The following ROBO1 variants were observed in gnomAD, a reference collection of about 807,000 sequenced individuals.
The protein encoded by ROBO1 is roundabout homolog 1.
ROBO1 carries 149 observed loss-of-function variants against 195.9 expected under a neutral mutation model. That is an observed-to-expected ratio of 0.76 (90% CI 0.67 to 0.87). The LOEUF is 0.87. ROBO1 is among the 40% of genes least tolerant of loss of function. The probability of loss-of-function intolerance (pLI) is 0.00; values close to 1 mark genes in which losing one functional copy is unlikely to be tolerated. For missense variants in ROBO1, 1,933 were observed against 2,068.3 expected (o/e 0.93, Z 1.27); for synonymous variants, 816 against 733.2 (o/e 1.11, Z -1.82).
intron 2 of ROBO1, among the ~76,000 whole-genome samples, chr3:79,532,809 CCAAA>C (rs1941712737): frequency 1.3e-5 from 2 of 152,082 alleles, no homozygotes; most frequent in Non-Finnish European, 1.5e-5. Flanking sequence ...GAGCTGGCTT[CCAAA>C]CAGAGAGGCC....
At chr3:78,941,297 T>A (rs555577377) in intron 3 of ROBO1, among the ~76,000 whole-genome samples, 48 of 152,204 alleles carry the variant, frequency 3.2e-4, no homozygotes, top group African/African-American at 9.4e-4. Flanking sequence ...AAGAAAAAAA[T>A]TACTTGGAAA....
chr3:78,667,012 T>C (rs1438061415), intron 14 of ROBO1, among the ~76,000 whole-genome samples: 1 of 152,160 alleles, frequency 6.6e-6, no homozygotes, highest in Non-Finnish European at 1.5e-5. Context: ...AACAAGCACA[T>C]TTTATTTACA....
intron 2 of ROBO1, among the ~76,000 whole-genome samples, chr3:79,386,974 G>T (rs1294752469): frequency 6.6e-6 from 1 of 152,136 alleles, no homozygotes; most frequent in East Asian, 1.9e-4. Flanking sequence ...CCAGGGATAT[G>T]TCAGAATGGT....
chr3:79,703,725 G>A (rs1277187350), intron 1 of ROBO1, among the ~76,000 whole-genome samples: 2 of 151,842 alleles, frequency 1.3e-5, no homozygotes. Flanking sequence ...CCAATGCTTA[G>A]AGAAACAAAA....
chr3:79,679,002 C>G (rs138393358), intron 1 of ROBO1, among the ~76,000 whole-genome samples: 3 of 151,752 alleles, frequency 2.0e-5, no homozygotes, highest in Non-Finnish European at 2.9e-5. Flanking sequence ...TTTAATTACG[C>G]AAATAATGTG....
intron 2 of ROBO1, among the ~76,000 whole-genome samples, chr3:79,509,152 G>A (rs1940563879): frequency 6.6e-6 from 1 of 151,858 alleles, no homozygotes; most frequent in African/African-American, 2.4e-5. Flanking sequence ...CATGGATTCA[G>A]ATCTATTATG....
chr3:78,696,711 T>TAC (rs1478869762), intron 8 of ROBO1, among the ~76,000 whole-genome samples: 3 of 147,464 alleles, frequency 2.0e-5, no homozygotes, highest in African/African-American at 7.4e-5. Context: ...CACATATATA[T>TAC]ACACGTATAT....
intron 3 of ROBO1, among the ~76,000 whole-genome samples, chr3:79,058,033 T>C (rs1469680971): frequency 6.6e-6 from 1 of 151,932 alleles, no homozygotes; most frequent in Non-Finnish European, 1.5e-5. Context: ...ACCGGGACAT[T>C]TGGTCTCCAG....
chr3:79,015,340 T>C (rs1014874689), intron 3 of ROBO1, among the ~76,000 whole-genome samples: 1 of 151,814 alleles, frequency 6.6e-6, no homozygotes, highest in African/African-American at 2.4e-5. Flanking sequence ...GTGAAACTTA[T>C]TTAAAAAAGT....
intron 3 of ROBO1, among the ~76,000 whole-genome samples, chr3:79,082,467 T>C (rs2079291421): frequency 6.6e-6 from 1 of 152,156 alleles, no homozygotes; most frequent in African/African-American, 2.4e-5. Context: ...GCATTATAAG[T>C]TCAATATATG....
At chr3:79,661,305 C>T (rs1466381951) in intron 1 of ROBO1, among the ~76,000 whole-genome samples, 2 of 152,082 alleles carry the variant, frequency 1.3e-5, no homozygotes, top group Non-Finnish European at 2.9e-5. Context: ...CTCATTTCCC[C>T]AGGTGTTCAA....
intron 3 of ROBO1, among the ~76,000 whole-genome samples, chr3:79,023,858 C>T (rs148717711): frequency 8.3e-4 from 126 of 151,524 alleles, no homozygotes; most frequent in African/African-American, 2.9e-3. Context: ...TGCTGGCCAC[C>T]ACACCCGGCT....
rs1158213253 is a variant in ROBO1, at chr3:79,484,755, CT to C, written c.88+105068del. On this transcript the variant is annotated intron_variant, in intron 2 of 30. Coordinates refer to ENST00000464233, the MANE Select transcript of ROBO1 (RefSeq NM_002941.4). ...TTATACACCACTATCATTGCACTAT[CT>C]TTTTTTTTTTTTTTTTGAGACAGAG... Among the ~76,000 whole-genome samples, 611 of 66,876 alleles carry C rather than the reference CT, an allele frequency of 9.1e-3. 70 individuals are homozygous for C. The highest frequency in any genetic ancestry group is 0.031 in the Middle Eastern group (2 of 64). 43.9% of individuals were successfully genotyped at this position (66,876 alleles called of 152,430 possible).
intron 2 of ROBO1, among the ~76,000 whole-genome samples, chr3:79,301,357 A>C (rs1190753796): frequency 6.6e-6 from 1 of 152,216 alleles, no homozygotes; most frequent in Non-Finnish European, 1.5e-5. Context: ...AGTACTGTGA[A>C]ATGTGACTGA....
intron 2 of ROBO1, among the ~76,000 whole-genome samples, chr3:79,550,540 A>G (rs1942473109): frequency 6.6e-6 from 1 of 152,256 alleles, no homozygotes; most frequent in Non-Finnish European, 1.5e-5. Flanking sequence ...TAAACCCAGT[A>G]ACATGAACAG....
intron 4 of ROBO1, among the ~76,000 whole-genome samples, chr3:78,898,679 G>A (rs1049579372): frequency 2.6e-5 from 4 of 151,776 alleles, no homozygotes; most frequent in Admixed American, 6.6e-5. Flanking sequence ...GTGAGCCACC[G>A]CACCTGGCCC....
chr3:78,781,248 C>A (rs973123240), intron 4 of ROBO1, among the ~76,000 whole-genome samples: 1 of 152,128 alleles, frequency 6.6e-6, no homozygotes, highest in Non-Finnish European at 1.5e-5. Context: ...TCCAAATAGT[C>A]AGATTTATCA....
intron 1 of ROBO1, among the ~76,000 whole-genome samples, chr3:79,670,133 G>C (rs1946591065): frequency 6.6e-6 from 1 of 151,828 alleles, no homozygotes; most frequent in South Asian, 2.1e-4. Flanking sequence ...CATCAGTAGG[G>C]ATAAGAATCT....
intron 2 of ROBO1, among the ~76,000 whole-genome samples, chr3:79,423,872 A>G (rs1164717376): frequency 6.6e-6 from 1 of 152,068 alleles, no homozygotes; most frequent in African/African-American, 2.4e-5. Flanking sequence ...CAGATGGAGG[A>G]GATGAGAAGC....
Sources: allele counts gnomAD v4.1 joint callset (sites outside exome capture counted in the v4.1 genomes callset), GRCh38; gene constraint gnomAD v4.1.1; transcripts MANE v1.5; gene names NCBI Gene and HGNC (gene_info 2026-07-23, HGNC 2026-07-21).